Variants in LRFN5 observed in about 807,000 individuals in gnomAD.
LRFN5 encodes the protein leucine-rich repeat and fibronectin type-III domain-containing protein 5.
A neutral mutation model predicts 45.6 loss-of-function variants in LRFN5; 24 were observed. That is an observed-to-expected ratio of 0.53 (90% confidence interval 0.38 to 0.74). The LOEUF is 0.74. Among genes scored for constraint, LRFN5 ranks in the 30% least tolerant of loss-of-function variants. The pLI is 0.00. For missense variants in LRFN5, 776 were observed against 861.5 expected (o/e 0.90, Z 1.24); for synonymous variants, 340 against 313.8 (o/e 1.08, Z -0.88).
In LRFN5 at chr14:41,887,218, C is replaced by A. The variant is rs1246086357; in HGVS notation, c.593C>A (p.Thr198Asn). 3.1e-6 allele frequency: 5 copies of A among 1,614,150 alleles called. No individual in the cohort carries two copies. The highest frequency in any genetic ancestry group is 4.2e-6 in the Non-Finnish European group (5 of 1,180,026). ...ACCTTCTCCCATTTGCACAAGATGACTCGGTTAGATGTGACATCAAATAAA... is the reference window on the plus strand; with the variant it reads ...ACCTTCTCCCATTTGCACAAGATGAATCGGTTAGATGTGACATCAAATAAA... ...KGTFSHLHKMTRLDVTSNKLQ... is the reference protein window; with the variant it reads ...KGTFSHLHKMNRLDVTSNKLQ... The change falls in exon 3 of 6, where the codon ACT (threonine) becomes AAT (asparagine). Residue 198 changes from threonine (T) to asparagine (N), a missense_variant. Physicochemically the swap from Thr to Asn is moderately conservative, Grantham distance 65. Around this residue, in one of 2 missense-constraint regions of LRFN5, gnomAD observed 311 missense variants for 405.1 expected, o/e 0.77. Coordinates refer to ENST00000298119, the MANE Select transcript of LRFN5 (RefSeq NM_152447.5). The surrounding 1 kb of genome is among the most constrained non-coding windows in gnomAD (Gnocchi z 4.8).
At chr14:41,610,661 T>TAAAAAAAAAAAAACAAAAA (rs1887712246) in intron 1 of LRFN5, among the ~76,000 whole-genome samples, 1 of 37,340 alleles carries the variant, frequency 2.7e-5, no homozygotes, top group Non-Finnish European at 6.8e-5. Context: ...CCAGGGAAGG[T>TAAAAAAAAAAAAACAAAAA]AAAAAAAAAA....
intron 1 of LRFN5, among the ~76,000 whole-genome samples, chr14:41,679,615 T>A (rs1458804133): frequency 6.6e-6 from 1 of 152,020 alleles, no homozygotes; most frequent in African/African-American, 2.4e-5. Flanking sequence ...GGTACCCAGG[T>A]AGTGCTTGTT....
intron 1 of LRFN5, among the ~76,000 whole-genome samples, chr14:41,729,713 A>T (rs191761619): frequency 6.6e-6 from 1 of 152,078 alleles, no homozygotes; most frequent in African/African-American, 2.4e-5. Flanking sequence ...AGTTCTATGG[A>T]AGGCATGATT....
At chr14:41,811,505 A>G (rs1313161698) in intron 2 of LRFN5, among the ~76,000 whole-genome samples, 1 of 152,136 alleles carries the variant, frequency 6.6e-6, no homozygotes, top group Non-Finnish European at 1.5e-5. Context: ...TAATAGCCCA[A>G]AAATGGAAAC....
At chr14:41,888,264 T>A (rs1296267858) in intron 3 of LRFN5, among the ~76,000 whole-genome samples, 2 of 152,148 alleles carry the variant, frequency 1.3e-5, no homozygotes, top group African/African-American at 4.8e-5. Flanking sequence ...GAGATGTGAC[T>A]ATCAGAGAAC....
intron 1 of LRFN5, among the ~76,000 whole-genome samples, chr14:41,741,527 C>T: frequency 6.6e-6 from 1 of 151,602 alleles, no homozygotes; most frequent in Non-Finnish European, 1.5e-5. Context: ...TTCTGACACA[C>T]CATATATGAG....
intron 2 of LRFN5, among the ~76,000 whole-genome samples, chr14:41,783,538 T>C (rs1289975751): frequency 2.0e-5 from 3 of 152,160 alleles, no homozygotes; most frequent in Non-Finnish European, 4.4e-5. Flanking sequence ...TCATTTTTAG[T>C]GGCCATTTTG....
chr14:41,790,499 TC>T (rs1247639220), intron 2 of LRFN5, among the ~76,000 whole-genome samples: 1 of 151,804 alleles, frequency 6.6e-6, no homozygotes, highest in African/African-American at 2.4e-5. Context: ...TATGTTTTTT[TC>T]CTAACTATGG....
At chr14:41,844,362 A>G (rs111324895) in intron 2 of LRFN5, among the ~76,000 whole-genome samples, 6,068 of 151,200 alleles carry the variant, frequency 0.04, 390 homozygotes, top group African/African-American at 0.14. Flanking sequence ...GCGTGAACCC[A>G]GGAGGCAGAG....
intron 1 of LRFN5, among the ~76,000 whole-genome samples, chr14:41,674,094 C>T (rs992256681): frequency 6.7e-5 from 10 of 149,132 alleles, no homozygotes; most frequent in Non-Finnish European, 1.2e-4. Flanking sequence ...CCACCTCCCT[C>T]CTGGACGGGG....
At position 41,617,499 on chromosome 14, in the gene LRFN5, T is replaced by C. The variant is rs189425346; in HGVS notation, c.-197+8937T>C. On this transcript the variant is annotated intron_variant, in intron 1 of 5. Coordinates refer to ENST00000298119, the MANE Select transcript of LRFN5 (RefSeq NM_152447.5). The stretch of plus-strand genomic sequence containing the variant: ...TCCATTGATTATTACAAAAAATGTG[T>C]TTTTAGTCTCCTTTAAGGATTATGA... 1.4e-3 allele frequency among the ~76,000 whole-genome samples: 209 copies of C among 152,196 alleles called. 1 individual carries two copies. The highest frequency in any genetic ancestry group is 4.9e-3 in the African/African-American group (202 of 41,546).
chr14:41,876,977 T>C (rs1890208651), intron 2 of LRFN5, among the ~76,000 whole-genome samples: 1 of 152,146 alleles, frequency 6.6e-6, no homozygotes, highest in Non-Finnish European at 1.5e-5. Flanking sequence ...GAATGTAAAG[T>C]ATCATTGTTT....
At chr14:41,891,185 A>T in intron 3 of LRFN5, 65 bp from the exon 4 acceptor site, 5 of 1,242,474 alleles carry the variant, frequency 4.0e-6, no homozygotes, top group Non-Finnish European at 5.8e-6. Context: ...CTAAAGTCAT[A>T]ATGACTTTCT....
At chr14:41,768,122 C>G (rs750180580) in intron 2 of LRFN5, among the ~76,000 whole-genome samples, 1 of 151,946 alleles carries the variant, frequency 6.6e-6, no homozygotes, top group African/African-American at 2.4e-5. Context: ...CTTAATGAAC[C>G]CACTTTTATT....
At chr14:41,633,560 C>G (rs909175653) in intron 1 of LRFN5, among the ~76,000 whole-genome samples, 1 of 152,132 alleles carries the variant, frequency 6.6e-6, no homozygotes, top group African/African-American at 2.4e-5. Context: ...CAGTTGCAAA[C>G]AGACTTGATG....
intron 2 of LRFN5, among the ~76,000 whole-genome samples, chr14:41,859,571 G>A (rs1384289923): frequency 4.6e-5 from 7 of 152,124 alleles, no homozygotes; most frequent in Admixed American, 3.3e-4. Context: ...AGCTTTCAGC[G>A]GTCACTGTGC....
intron 4 of LRFN5, chr14:41,893,494 A>G (rs1314391771): frequency 5.1e-6 from 5 of 984,296 alleles, no homozygotes; most frequent in African/African-American, 3.5e-5. Context: ...GTACTTTACT[A>G]TCTTATGTCA....
intron 2 of LRFN5, among the ~76,000 whole-genome samples, chr14:41,807,466 A>G (rs1277421102): frequency 1.3e-5 from 2 of 152,150 alleles, no homozygotes; most frequent in Non-Finnish European, 2.9e-5. Context: ...GAATTATCTT[A>G]GCCATTTGAG....
chr14:41,845,944 A>T (rs574061846), intron 2 of LRFN5, among the ~76,000 whole-genome samples: 2 of 152,212 alleles, frequency 1.3e-5, no homozygotes, highest in South Asian at 4.1e-4. Context: ...TTGAATCTCA[A>T]GGGCTTAACA....
Sources: gnomAD v4.1 joint callset for allele counts (sites outside exome capture counted in the v4.1 genomes callset) on GRCh38, gnomAD v4.1.1 for gene constraint, gnomAD v4.1.1 regional missense constraint, Gnocchi (gnomAD v3.1) non-coding constraint, MANE v1.5 for transcripts, NCBI Gene and HGNC (gene_info 2026-07-23, HGNC 2026-07-21) for gene names.